ME1: variants seen among roughly 807,000 people sequenced by gnomAD.
ME1 encodes malic enzyme 1, also known as NADP-dependent malic enzyme.
A neutral mutation model predicts 66.4 loss-of-function variants in ME1; 74 were observed. The observed-to-expected ratio is 1.11, with a 90% CI of 0.92 to 1.35. ME1 has a LOEUF of 1.35. Ranked by LOEUF, ME1 falls within the 40% of genes most tolerant of loss-of-function variation. The pLI is 0.00. For missense variants in ME1, 750 were observed against 694.1 expected (o/e 1.08, Z -0.90); for synonymous variants, 251 against 235.6 (o/e 1.07, Z -0.60).
intron 5 of ME1, among the ~76,000 whole-genome samples, chr6:83,323,093 A>G (rs1389124378): frequency 1.3e-5 from 2 of 152,202 alleles, no homozygotes; most frequent in Non-Finnish European, 2.9e-5. Flanking sequence ...TCCTTTACAG[A>G]CAAGCAAATG....
At chr6:83,251,745 T>C (rs1790728619) in intron 7 of ME1, among the ~76,000 whole-genome samples, 1 of 152,082 alleles carries the variant, frequency 6.6e-6, no homozygotes. Flanking sequence ...AGAAAGGAAG[T>C]GTGGCTAGAA....
intron 5 of ME1, among the ~76,000 whole-genome samples, chr6:83,343,423 G>A (rs1310821530): frequency 2.0e-5 from 3 of 152,078 alleles, no homozygotes; most frequent in Non-Finnish European, 2.9e-5. Flanking sequence ...GGTATTCTCC[G>A]GTGACCTGTC....
Position 83,332,186 on chromosome 6 carries a change from C to T in ME1, c.600+13987G>A, listed in dbSNP as rs7768997. 4.6e-3 allele frequency among the ~76,000 whole-genome samples: 694 copies of T among 152,062 alleles called. 2 individuals are homozygous for T. The highest frequency in any genetic ancestry group is 0.015 in the African/African-American group (636 of 41,484). On this transcript the variant is annotated intron_variant, in intron 5 of 13. Coordinates refer to ENST00000369705, the MANE Select transcript of ME1 (RefSeq NM_002395.6). ...CTAATTTAATACTTAGTATTATTAA[C>T]TTAAAGAATAAGAGTATTTTCCATC...
rs142302119 is a variant in ME1 at position 83,282,010 on chromosome 6, T to C, written c.705-28272A>G. ...AGCTTCTGGAATTGAAAACCTCACTTAAGGAATTTCTAAATAGAATTGAAA... is the reference window on the plus strand; with the variant it reads ...AGCTTCTGGAATTGAAAACCTCACTCAAGGAATTTCTAAATAGAATTGAAA... On this transcript the variant is annotated intron_variant, in intron 6 of 13. Coordinates refer to ENST00000369705, the MANE Select transcript of ME1 (RefSeq NM_002395.6). 4.5e-4 allele frequency among the ~76,000 whole-genome samples: 68 copies of C among 149,642 alleles called. 1 individual carries two copies. In the East Asian group the frequency reaches 0.011, roughly 23 times the overall value.
At chr6:83,354,951 G>A (rs761609864) in intron 3 of ME1, among the ~76,000 whole-genome samples, 4 of 152,198 alleles carry the variant, frequency 2.6e-5, no homozygotes, top group Admixed American at 6.5e-5. Context: ...CCAAAATTAC[G>A]TCAGTGCTAT....
chr6:83,321,861 C>A (rs965350676), intron 5 of ME1, among the ~76,000 whole-genome samples: 9 of 152,224 alleles, frequency 5.9e-5, no homozygotes, highest in African/African-American at 2.2e-4. Flanking sequence ...GACGGAGAGA[C>A]ACCTCCCAGC....
At chr6:83,343,726 GA>G (rs945741828) in intron 5 of ME1, among the ~76,000 whole-genome samples, 1 of 152,124 alleles carries the variant, frequency 6.6e-6, no homozygotes, top group African/African-American at 2.4e-5. Context: ...ATACTGGATA[GA>G]AATGTAATAA....
intron 6 of ME1, among the ~76,000 whole-genome samples, chr6:83,303,445 G>A (rs1006512199): frequency 2.0e-5 from 3 of 152,112 alleles, no homozygotes; most frequent in Non-Finnish European, 2.9e-5. Flanking sequence ...TATTTAACTT[G>A]CCAATTGTCT....
Position 83,407,822 on chromosome 6 carries a change from A to G in ME1, c.158T>C (p.Ile53Thr). ...ATTTTTTACTACTCTAAGAACCTGG[A>G]TCTCCTGACTGTTGAAGGAAGGTGG... is the stretch of plus-strand genomic sequence containing the variant. ...LLPPSFNSQEIQVLRVVKNFE... is the reference protein window; with the variant it reads ...LLPPSFNSQETQVLRVVKNFE... Residue 53 changes from isoleucine to threonine, a missense_variant, in exon 2 of 14, where the codon ATC (isoleucine) becomes ACC (threonine). Transcript: ENST00000369705. The G allele has an allele frequency of 6.2e-7, 1 of 1,613,120 alleles. No individual in the cohort carries two copies. Among genetic ancestry groups the G allele is most frequent in the Non-Finnish European group, 8.5e-7 (1 of 1,179,724 alleles).
At chr6:83,357,945 A>C (rs866048018) in intron 3 of ME1, among the ~76,000 whole-genome samples, 2,702 of 67,276 alleles carry the variant, frequency 0.04, 48 homozygotes, top group East Asian at 0.055. Flanking sequence ...CTATATATAT[A>C]TATATATATA....
chr6:83,332,032 T>C (rs1283870176), intron 5 of ME1, among the ~76,000 whole-genome samples: 1 of 152,184 alleles, frequency 6.6e-6, no homozygotes, highest in Non-Finnish European at 1.5e-5. Flanking sequence ...AAACATGACA[T>C]GTTCTAAAGA....
chr6:83,399,359 A>G (rs1483618227), intron 2 of ME1, among the ~76,000 whole-genome samples: 2 of 152,208 alleles, frequency 1.3e-5, no homozygotes, highest in Admixed American at 1.3e-4. Flanking sequence ...TCATGCAAAC[A>G]TTAAAATCAC....
chr6:83,293,470 A>G (rs1009653350), intron 6 of ME1, among the ~76,000 whole-genome samples: 1 of 152,138 alleles, frequency 6.6e-6, no homozygotes, highest in African/African-American at 2.4e-5. Context: ...TTCTGTTTGT[A>G]TGATTTTGCC....
chr6:83,358,852 C>A (rs898509383), intron 3 of ME1, among the ~76,000 whole-genome samples: 2 of 152,052 alleles, frequency 1.3e-5, no homozygotes, highest in Admixed American at 6.5e-5. Context: ...GAGGCAGTTG[C>A]CAGGCAAGAT....
At chr6:83,354,336 T>G (rs1562488480) in intron 3 of ME1, among the ~76,000 whole-genome samples, 1 of 152,172 alleles carries the variant, frequency 6.6e-6, no homozygotes, top group Non-Finnish European at 1.5e-5. Flanking sequence ...TTCACCACGT[T>G]GGCCAGGCTG....
At chr6:83,411,329 A>G (rs1319705582) in intron 1 of ME1, among the ~76,000 whole-genome samples, 1 of 151,740 alleles carries the variant, frequency 6.6e-6, no homozygotes, top group African/African-American at 2.4e-5. Flanking sequence ...GCGCCACTGC[A>G]CTCCAGCCTA....
intron 7 of ME1, among the ~76,000 whole-genome samples, chr6:83,243,939 T>C (rs1466928612): frequency 6.8e-6 from 1 of 147,268 alleles, no homozygotes; most frequent in Non-Finnish European, 1.5e-5. Context: ...CCCCCTCTCC[T>C]TCTAGAAGAT....
At chr6:83,300,988 T>C (rs559596409) in intron 6 of ME1, among the ~76,000 whole-genome samples, 6 of 152,110 alleles carry the variant, frequency 3.9e-5, no homozygotes, top group African/African-American at 1.2e-4. Flanking sequence ...TAGGTAGGAA[T>C]TGAACAATAA....
intron 3 of ME1, among the ~76,000 whole-genome samples, chr6:83,359,633 T>C (rs1768968321): frequency 6.6e-6 from 1 of 152,122 alleles, no homozygotes; most frequent in African/African-American, 2.4e-5. Flanking sequence ...CTGCCTTGGT[T>C]TAATGTAGAG....
Sources: gnomAD v4.1 joint callset for allele counts (sites outside exome capture counted in the v4.1 genomes callset) on GRCh38, gnomAD v4.1.1 for gene constraint, MANE v1.5 for transcripts, NCBI Gene and HGNC (gene_info 2026-07-23, HGNC 2026-07-21) for gene names.